Variants in AK5 observed in about 807,000 individuals in gnomAD.
The protein encoded by AK5 is adenylate kinase isoenzyme 5.
A neutral mutation model predicts 69.5 loss-of-function variants in AK5; 27 were observed. That is an observed-to-expected ratio of 0.39 (90% CI 0.29 to 0.54). The LOEUF is 0.54. Among genes scored for constraint, AK5 ranks in the 20% least tolerant of loss-of-function variants. The probability of loss-of-function intolerance (pLI) is 0.71; values close to 1 mark genes in which losing one functional copy is unlikely to be tolerated. For synonymous variants in AK5, 260 were observed against 244.4 expected (o/e 1.06, Z -0.60); for missense variants, 531 against 700.4 (o/e 0.76, Z 2.73).
intron 8 of AK5, among the ~76,000 whole-genome samples, chr1:77,446,075 G>A (rs1358042335): frequency 6.6e-6 from 1 of 151,782 alleles, no homozygotes; most frequent in Non-Finnish European, 1.5e-5. Context: ...CTTACTTTTG[G>A]GTCTCTTATC....
chr1:77,466,962 A>G (rs1557613166), intron 8 of AK5, among the ~76,000 whole-genome samples: 1 of 152,224 alleles, frequency 6.6e-6, no homozygotes, highest in Non-Finnish European at 1.5e-5. Flanking sequence ...GGTAGCAGAA[A>G]TGAAAATATT....
intron 5 of AK5, among the ~76,000 whole-genome samples, chr1:77,302,324 C>G (rs1659387071): frequency 6.6e-6 from 1 of 152,202 alleles, no homozygotes; most frequent in African/African-American, 2.4e-5. Flanking sequence ...CAAAAAGCTT[C>G]CAGTCCGTGC....
intron 6 of AK5, among the ~76,000 whole-genome samples, chr1:77,376,008 C>T (rs975068627): frequency 2.6e-5 from 4 of 152,256 alleles, no homozygotes; most frequent in South Asian, 2.1e-4. Flanking sequence ...ATCAAGACCT[C>T]GTTATTAGAG....
At chr1:77,517,348 G>T (rs201042060) in intron 10 of AK5, among the ~76,000 whole-genome samples, 1 of 152,166 alleles carries the variant, frequency 6.6e-6, no homozygotes, top group East Asian at 1.9e-4. Flanking sequence ...CTGAAGTGTG[G>T]CCAGGTCAAT....
rs771138526 is a variant in AK5, at chr1:77,379,879, C to T, written c.892-31102C>T. ...GGGTCAGTATTTAACATATACATTT[C>T]GTAAAGGTCTTGAAAGCCAATGGGG... On this transcript the variant is annotated intron_variant, in intron 6 of 13. Transcript: ENST00000354567. Among the ~76,000 whole-genome samples, 71 of 152,164 alleles carry T rather than the reference C, an allele frequency of 4.7e-4. 1 individual carries two copies. Among genetic ancestry groups the T allele is most frequent in the Admixed American group, 1.2e-3 (19 of 15,272 alleles).
intron 6 of AK5, among the ~76,000 whole-genome samples, chr1:77,384,490 G>A (rs999547658): frequency 6.6e-6 from 1 of 152,092 alleles, no homozygotes; most frequent in Non-Finnish European, 1.5e-5. Context: ...GTGTTTTAAA[G>A]ATAAGGAAAT....
At chr1:77,324,515 G>A (rs1660696419) in intron 5 of AK5, among the ~76,000 whole-genome samples, 1 of 152,154 alleles carries the variant, frequency 6.6e-6, no homozygotes, top group African/African-American at 2.4e-5. Context: ...GAAGGATTCT[G>A]AAGCTGTATC....
At chr1:77,470,967 G>A (rs1654472151) in intron 8 of AK5, among the ~76,000 whole-genome samples, 1 of 142,964 alleles carries the variant, frequency 7.0e-6, no homozygotes. Context: ...TGCAACCTCT[G>A]CCTCCTGGGT....
chr1:77,533,523 A>C (rs891136418), intron 12 of AK5, among the ~76,000 whole-genome samples: 37 of 150,060 alleles, frequency 2.5e-4, no homozygotes, highest in African/African-American at 8.0e-4. Flanking sequence ...AAAAAAAAAA[A>C]AAAAAAAAAA....
At chr1:77,410,046 A>C (rs1016405477) in intron 6 of AK5, among the ~76,000 whole-genome samples, 8 of 152,162 alleles carry the variant, frequency 5.3e-5, no homozygotes, top group Non-Finnish European at 1.0e-4. Flanking sequence ...ATTTTTAAAA[A>C]CTAAAGGGAC....
intron 8 of AK5, among the ~76,000 whole-genome samples, chr1:77,450,193 T>G (rs1248486394): frequency 1.3e-5 from 2 of 152,210 alleles, no homozygotes; most frequent in African/African-American, 4.8e-5. Context: ...ATCAGCATTT[T>G]TGTTAAAGCC....
At chr1:77,380,512 A>G (rs1380743000) in intron 6 of AK5, among the ~76,000 whole-genome samples, 1 of 152,162 alleles carries the variant, frequency 6.6e-6, no homozygotes, top group Non-Finnish European at 1.5e-5. Flanking sequence ...ACCATTTACA[A>G]TGTACAACAC....
intron 13 of AK5, among the ~76,000 whole-genome samples, chr1:77,545,903 C>T (rs1161715938): frequency 6.6e-6 from 1 of 152,162 alleles, no homozygotes. Flanking sequence ...CTTAGAGGAA[C>T]CCTAAGGTTC....
intron 8 of AK5, among the ~76,000 whole-genome samples, chr1:77,453,820 A>G (rs1263437304): frequency 6.6e-6 from 1 of 152,244 alleles, no homozygotes; most frequent in African/African-American, 2.4e-5. Flanking sequence ...ATTATTAGCA[A>G]CAACGGTATA....
chr1:77,535,767 A>G, intron 12 of AK5, 80 bp from the exon 13 acceptor site: 3 of 1,363,998 alleles, frequency 2.2e-6, no homozygotes, highest in Non-Finnish European at 3.0e-6. Context: ...CAAGAAAGGA[A>G]AAACCAGAGG....
chr1:77,288,697 A>G (rs1427257207), intron 2 of AK5, among the ~76,000 whole-genome samples: 1 of 152,230 alleles, frequency 6.6e-6, no homozygotes, highest in African/African-American at 2.4e-5. Context: ...GCTGAGAAGT[A>G]ATGAGATGTC....
intron 8 of AK5, among the ~76,000 whole-genome samples, chr1:77,443,297 C>T (rs746306719): frequency 7.2e-5 from 11 of 152,160 alleles, no homozygotes; most frequent in Middle Eastern, 3.4e-3. Context: ...TGTACTGACT[C>T]GTATTACTCC....
rs770388112 is a variant in AK5 at position 77,481,914 on chromosome 1, AAAC to A, written c.1060-1394_1060-1392del. Among the ~76,000 whole-genome samples the A allele has an allele frequency of 5.3e-5, 8 of 152,350 alleles. No individual in the cohort carries two copies. The South Asian group carries it at 1.4e-3, about 28-fold the overall frequency. On this transcript the variant is annotated intron_variant, in intron 8 of 13. Coordinates refer to ENST00000354567, the MANE Select transcript of AK5 (RefSeq NM_174858.3). ...CTGATCCATCAATAAAGGACTAATTAAACAACAACAATTATGGTACCACATATA... is the reference window on the plus strand; with the variant it reads ...CTGATCCATCAATAAAGGACTAATTAAACAACAATTATGGTACCACATATA...
chr1:77,315,164 C>T lies in AK5; in HGVS notation c.699+17217C>T, dbSNP rs140120126. 8 of 152,158 alleles carry T rather than the reference C, an allele frequency of 5.3e-5. No individual in the cohort carries two copies. In the East Asian group the frequency reaches 1.5e-3, roughly 29 times the overall value. The allele number at this position is 152,158 out of a possible 1,614,324, so 9.4% of individuals were successfully genotyped here. A position where few individuals can be genotyped will look rare whatever the true frequency, so the allele number is the denominator to read the frequency against. On this transcript the variant is annotated intron_variant, in intron 5 of 13. Transcript: ENST00000354567. ...TATAAAATTACATACACTGGAAACT[C>T]TCTCTTATTCTTGTCTCCAGGTACC...
Sources: allele counts gnomAD v4.1 joint callset (sites outside exome capture counted in the v4.1 genomes callset), GRCh38; gene constraint gnomAD v4.1.1; transcripts MANE v1.5; gene names NCBI Gene and HGNC (gene_info 2026-07-23, HGNC 2026-07-21).